UNC13C: variants seen among roughly 807,000 people sequenced by gnomAD.
The protein encoded by UNC13C is protein unc-13 homolog C.
UNC13C carries 174 observed loss-of-function variants against 245.4 expected under a neutral mutation model. The ratio of observed to expected loss-of-function variants is 0.71; its 90% CI spans 0.63 to 0.80. UNC13C has a LOEUF of 0.80. Ranked by LOEUF, UNC13C falls within the 30% of genes least tolerant of loss-of-function variation. The pLI, the probability that UNC13C is intolerant of heterozygous loss-of-function variation, is 0.00. For synonymous variants in UNC13C, 992 were observed against 895.1 expected (o/e 1.11, Z -1.93); for missense variants, 2,829 against 2,602.9 (o/e 1.09, Z -1.89).
At chr15:54,628,980 T>C (rs543843860), downstream of UNC13C, 5 of 152,176 alleles carry the variant, frequency 3.3e-5, no homozygotes, top group African/African-American at 9.6e-5. Flanking sequence ...TAAACACATA[T>C]GCACGTATAT....
chr15:54,289,034 A>G (rs976777078), intron 10 of UNC13C, among the ~76,000 whole-genome samples: 4 of 152,110 alleles, frequency 2.6e-5, no homozygotes, highest in South Asian at 2.1e-4. Flanking sequence ...CAACAATTTT[A>G]TCTATTTCTG....
chr15:54,482,824 C>G (rs1014136601), intron 19 of UNC13C, among the ~76,000 whole-genome samples: 15 of 152,264 alleles, frequency 9.9e-5, no homozygotes, highest in African/African-American at 3.6e-4. Context: ...TGACAAATAT[C>G]TCATTAAATT....
the UNC13C span, among the ~76,000 whole-genome samples, chr15:53,863,646 A>G: frequency 1.3e-5 from 2 of 152,202 alleles, no homozygotes; most frequent in Non-Finnish European, 2.9e-5. Flanking sequence ...GATAATTAAT[A>G]TCATACTCAG....
the UNC13C span, among the ~76,000 whole-genome samples, chr15:53,962,483 T>C: frequency 1.9e-3 from 288 of 152,312 alleles, 1 homozygote; most frequent in African/African-American, 6.5e-3. Flanking sequence ...TATGTGTGTG[T>C]ACTTATTATA....
chr15:54,130,308 T>TTTTTG (rs67637704), intron 2 of UNC13C, among the ~76,000 whole-genome samples: 25,215 of 116,948 alleles, frequency 0.22, 2,577 homozygotes, highest in Non-Finnish European at 0.26. Flanking sequence ...TTTTTTTTTT[T>TTTTTG]GTGAGACGGA....
chr15:54,193,699 G>A (rs970518945), intron 4 of UNC13C, among the ~76,000 whole-genome samples: 3 of 152,124 alleles, frequency 2.0e-5, no homozygotes, highest in Non-Finnish European at 4.4e-5. Context: ...AAGAGATTGA[G>A]GTGATAAGAT....
chr15:54,305,548 A>G (rs986332321), intron 13 of UNC13C, among the ~76,000 whole-genome samples: 2 of 152,092 alleles, frequency 1.3e-5, no homozygotes, highest in African/African-American at 4.8e-5. Context: ...TTTTAATTTA[A>G]ACCGGTTGAC....
At chr15:54,198,126 T>C (rs1012356277) in intron 4 of UNC13C, among the ~76,000 whole-genome samples, 1 of 152,032 alleles carries the variant, frequency 6.6e-6, no homozygotes, top group Non-Finnish European at 1.5e-5. Context: ...GTAACTCCAT[T>C]GAACTGGGAA....
At chr15:54,475,289 TATTATTATTATTA>T (rs1892670599) in intron 19 of UNC13C, among the ~76,000 whole-genome samples, 14 of 39,448 alleles carry the variant, frequency 3.5e-4, no homozygotes, top group African/African-American at 8.5e-4. Flanking sequence ...TGTTTATTAT[TATTATTATTATTA>T]TTATTATTAT....
At chr15:54,616,624 A>T (rs960443405) in intron 30 of UNC13C, among the ~76,000 whole-genome samples, 1 of 152,124 alleles carries the variant, frequency 6.6e-6, no homozygotes, top group Non-Finnish European at 1.5e-5. Context: ...GAATAAGGTT[A>T]TAAAGAAAGA....
At chr15:54,269,582 T>G (rs1233849398) in intron 10 of UNC13C, among the ~76,000 whole-genome samples, 1 of 152,118 alleles carries the variant, frequency 6.6e-6, no homozygotes, top group Non-Finnish European at 1.5e-5. Flanking sequence ...ATGATGCATG[T>G]GATAAAACTA....
chr15:53,944,650 TC>T, the UNC13C span, among the ~76,000 whole-genome samples: 1 of 152,274 alleles, frequency 6.6e-6, no homozygotes, highest in African/African-American at 2.4e-5. Context: ...TACCACATTT[TC>T]TTTACCCAGT....
At chr15:54,318,001 G>A (rs1196696423) in intron 13 of UNC13C, among the ~76,000 whole-genome samples, 7 of 151,920 alleles carry the variant, frequency 4.6e-5, no homozygotes, top group Non-Finnish European at 1.0e-4. Flanking sequence ...TTGTCTTTCT[G>A]TGTCTGGCTT....
intron 24 of UNC13C, among the ~76,000 whole-genome samples, chr15:54,519,964 G>C (rs481568): frequency 0.38 from 57,818 of 151,968 alleles, 11,381 homozygotes; most frequent in African/African-American, 0.45. Context: ...GGAAAATGAT[G>C]TTTTAAAAAG....
At chr15:53,958,754 A>G in the UNC13C span, among the ~76,000 whole-genome samples, 1 of 152,210 alleles carries the variant, frequency 6.6e-6, no homozygotes, top group Non-Finnish European at 1.5e-5. Context: ...TGCTCTAATC[A>G]GGGTAATTGG....
chr15:53,953,758 A>G, the UNC13C span, among the ~76,000 whole-genome samples: 5 of 152,270 alleles, frequency 3.3e-5, no homozygotes, highest in Non-Finnish European at 7.3e-5. Flanking sequence ...TGAAGAGATC[A>G]CAGGGCTTTC....
At chr15:54,563,305 T>C (rs147845938) in intron 29 of UNC13C, among the ~76,000 whole-genome samples, 2 of 152,006 alleles carry the variant, frequency 1.3e-5, no homozygotes, top group African/African-American at 2.4e-5. Flanking sequence ...TCAGCCATGA[T>C]AGAGAGGAAG....
chr15:54,480,745 C>T (rs757191451), intron 19 of UNC13C, among the ~76,000 whole-genome samples: 19 of 151,998 alleles, frequency 1.3e-4, no homozygotes, highest in Non-Finnish European at 2.4e-4. Flanking sequence ...AGAGAATTAT[C>T]GTGTTGCTTT....
At chr15:53,930,395 T>G in the UNC13C span, among the ~76,000 whole-genome samples, 34,057 of 152,144 alleles carry the variant, frequency 0.22, 4,822 homozygotes, top group Non-Finnish European at 0.31. Context: ...TACCTCTTGA[T>G]GGAAGGAGTG....
Sources: allele counts gnomAD v4.1 joint callset (sites outside exome capture counted in the v4.1 genomes callset), GRCh38; gene constraint gnomAD v4.1.1; transcripts MANE v1.5; gene names NCBI Gene and HGNC (gene_info 2026-07-23, HGNC 2026-07-21).